SLC16A12: variants seen among roughly 807,000 people sequenced by gnomAD.
SLC16A12 encodes the protein monocarboxylate transporter 12.
In SLC16A12, 17 loss-of-function variants were observed where a neutral mutation model predicts 42.4. The ratio of observed to expected loss-of-function variants is 0.40; its 90% CI spans 0.27 to 0.60. SLC16A12 has a LOEUF of 0.60. SLC16A12 is among the 20% of genes least tolerant of loss of function. The pLI is 0.42. For synonymous variants in SLC16A12, 224 were observed against 229.4 expected (o/e 0.98, Z 0.21); for missense variants, 544 against 623.0 (o/e 0.87, Z 1.35).
intron 2 of SLC16A12, among the ~76,000 whole-genome samples, chr10:89,544,420 T>A (rs1472950681): frequency 6.6e-6 from 1 of 152,206 alleles, no homozygotes; most frequent in Non-Finnish European, 1.5e-5. Context: ...TTGGATCCCA[T>A]TGGATCAGTT....
intron 2 of SLC16A12, among the ~76,000 whole-genome samples, chr10:89,510,980 TACTCATCATC>T (rs1446584733): frequency 6.6e-6 from 1 of 152,188 alleles, no homozygotes; most frequent in East Asian, 1.9e-4. Context: ...TATAAAAAAA[TACTCATCATC>T]ACTGGTCATT....
At chr10:89,545,953 G>A (rs10881601) in intron 2 of SLC16A12, among the ~76,000 whole-genome samples, 51,789 of 151,962 alleles carry the variant, frequency 0.34, 10,696 homozygotes, top group African/African-American at 0.59. Flanking sequence ...TCTCCTATTC[G>A]GTAGTAAATG....
chr10:89,478,687 T>C (rs748626850), intron 2 of SLC16A12, among the ~76,000 whole-genome samples: 2 of 152,242 alleles, frequency 1.3e-5, no homozygotes, highest in African/African-American at 2.4e-5. Flanking sequence ...TGGACAACTA[T>C]AAAATCTGCA....
At chr10:89,555,618 GAT>G (rs1338344134) in intron 2 of SLC16A12, among the ~76,000 whole-genome samples, 23 of 138,362 alleles carry the variant, frequency 1.7e-4, no homozygotes, top group African/African-American at 6.3e-4. Context: ...TATATATACA[GAT>G]ATGTATATAT....
intron 2 of SLC16A12, among the ~76,000 whole-genome samples, chr10:89,482,687 G>A (rs550885252): frequency 6.6e-6 from 1 of 152,186 alleles, no homozygotes; most frequent in South Asian, 2.1e-4. Flanking sequence ...GGGAAGCTGA[G>A]GTGGGAGGAT....
At chr10:89,524,701 T>A (rs1843420587) in intron 2 of SLC16A12, among the ~76,000 whole-genome samples, 1 of 152,154 alleles carries the variant, frequency 6.6e-6, no homozygotes, top group Non-Finnish European at 1.5e-5. Flanking sequence ...GCTTTCCATC[T>A]CCTGGGAAGT....
At position 89,551,037 on chromosome 10, in the gene SLC16A12, T is replaced by C. The variant is rs533604431; in HGVS notation, c.-47+4845A>G. Among the ~76,000 whole-genome samples, 8 of 152,290 alleles carry C rather than the reference T, an allele frequency of 5.3e-5. No homozygotes were observed. The East Asian group carries it at 5.8e-4, about 11-fold the overall frequency. On this transcript the variant is annotated intron_variant, in intron 2 of 2. Coordinates refer to the SLC16A12 transcript ENST00000475682. ...AAAAGGATCCAAAGTTTTCAAGGTG[T>C]GGAAGTCCATGATGTAATCAAGTTA...
chr10:89,503,188 C>T (rs1199019657), intron 2 of SLC16A12, among the ~76,000 whole-genome samples: 1 of 152,222 alleles, frequency 6.6e-6, no homozygotes, highest in Non-Finnish European at 1.5e-5. Context: ...ACATAATTGA[C>T]TCCTACCTTT....
At chr10:89,501,039 A>C (rs1842985502) in intron 2 of SLC16A12, among the ~76,000 whole-genome samples, 1 of 152,196 alleles carries the variant, frequency 6.6e-6, no homozygotes, top group African/African-American at 2.4e-5. Flanking sequence ...AACCCCTTTT[A>C]CAATAGCTGC....
intron 3 of SLC16A12, among the ~76,000 whole-genome samples, chr10:89,453,041 C>G (rs1381254632): frequency 6.6e-6 from 1 of 152,142 alleles, no homozygotes; most frequent in Non-Finnish European, 1.5e-5. Flanking sequence ...GTATGCCACA[C>G]GAATGCTCTA....
At chr10:89,465,870 A>G (rs1481193724) in intron 2 of SLC16A12, among the ~76,000 whole-genome samples, 2 of 152,216 alleles carry the variant, frequency 1.3e-5, no homozygotes, top group East Asian at 1.9e-4. Context: ...CCAATGAGCT[A>G]TGGAGAGAAG....
intron 2 of SLC16A12, among the ~76,000 whole-genome samples, chr10:89,550,827 C>T (rs985667797): frequency 6.6e-6 from 1 of 152,182 alleles, no homozygotes; most frequent in African/African-American, 2.4e-5. Context: ...TAAATGTCAC[C>T]TCCCCCAGGG....
intron 2 of SLC16A12, among the ~76,000 whole-genome samples, chr10:89,529,930 T>C (rs975093375): frequency 1.3e-5 from 2 of 152,194 alleles, no homozygotes; most frequent in Non-Finnish European, 2.9e-5. Flanking sequence ...AGAAATGAGT[T>C]ATTTTCAAAA....
At chr10:89,495,266 A>G (rs916326989) in intron 2 of SLC16A12, among the ~76,000 whole-genome samples, 3 of 152,112 alleles carry the variant, frequency 2.0e-5, no homozygotes, top group African/African-American at 4.8e-5. Flanking sequence ...AGACAGGAGA[A>G]TTGCTTGAAC....
upstream of SLC16A12, among the ~76,000 whole-genome samples, chr10:89,537,729 T>C (rs1312065232): frequency 6.7e-6 from 1 of 150,172 alleles, no homozygotes; most frequent in Non-Finnish European, 1.5e-5. Context: ...ACTTTCCATT[T>C]AAATAATGTA....
chr10:89,529,948 G>A (rs1260635369), intron 2 of SLC16A12, among the ~76,000 whole-genome samples: 1 of 152,080 alleles, frequency 6.6e-6, no homozygotes, highest in Non-Finnish European at 1.5e-5. Flanking sequence ...AAATATACAG[G>A]GTACCCTCAG....
chr10:89,532,939 C>T (rs1278744910), intron 2 of SLC16A12, among the ~76,000 whole-genome samples: 1 of 152,176 alleles, frequency 6.6e-6, no homozygotes, highest in Admixed American at 6.5e-5. Context: ...CCAATACTAA[C>T]ATGGTACCAC....
At chr10:89,435,961 C>T (rs894695358) in intron 7 of SLC16A12, 99 bp downstream of exon 7, 16 of 1,540,474 alleles carry the variant, frequency 1.0e-5, no homozygotes, top group Middle Eastern at 2.3e-4. Context: ...TTCCCCAACT[C>T]TCTTGACAGT....
At chr10:89,496,611 A>T (rs765886287) in intron 2 of SLC16A12, among the ~76,000 whole-genome samples, 1 of 152,212 alleles carries the variant, frequency 6.6e-6, no homozygotes, top group Non-Finnish European at 1.5e-5. Flanking sequence ...ATCTTGCACC[A>T]TTCACAAAAG....
Sources: allele counts gnomAD v4.1 joint callset (sites outside exome capture counted in the v4.1 genomes callset), GRCh38; gene constraint gnomAD v4.1.1; transcripts MANE v1.5; gene names NCBI Gene and HGNC (gene_info 2026-07-23, HGNC 2026-07-21).